The following UNC5B variants were observed in gnomAD, a reference collection of about 807,000 sequenced individuals.
The protein encoded by UNC5B is netrin receptor UNC5B.
Under a neutral mutation model 103.7 loss-of-function variants are expected in UNC5B, and 56 were observed. The ratio of observed to expected loss-of-function variants is 0.54; its 90% CI spans 0.44 to 0.67. The LOEUF is 0.67. UNC5B is among the 30% of genes least tolerant of loss of function. UNC5B has a pLI of 0.00. For missense variants in UNC5B, 1,194 were observed against 1,284.5 expected, an observed-to-expected ratio of 0.93 and a Z score of 1.08; for synonymous variants, 577 against 542.0, an observed-to-expected ratio of 1.06 and a Z score of -0.90.
intron 1 of UNC5B, among the ~76,000 whole-genome samples, chr10:71,234,271 C>A (rs1364569814): frequency 6.6e-6 from 1 of 152,236 alleles, no homozygotes; most frequent in Non-Finnish European, 1.5e-5. Flanking sequence ...TGACACCGCC[C>A]CCTCCAGGGG....
rs149213858 is a variant in UNC5B, at chr10:71,261,755, G to C, written c.80-18066G>C. ...TGGAGCCCTGCATCTGCCTCTTACT[G>C]GCTGTGTGACTGGGGGCAAGTTATT... On this transcript the variant is annotated intron_variant, in intron 1 of 16. Transcript: ENST00000335350. Among the ~76,000 whole-genome samples the C allele has an allele frequency of 2.3e-3, 349 of 152,296 alleles. 1 individual carries two copies. The highest frequency in any genetic ancestry group is 3.4e-3 in the Middle Eastern group (1 of 294).
chr10:71,289,647 G>A (rs988083257), intron 8 of UNC5B, among the ~76,000 whole-genome samples: 9 of 152,252 alleles, frequency 5.9e-5, no homozygotes, highest in African/African-American at 1.9e-4. Flanking sequence ...AGCTCACTGG[G>A]GGTCGGGCTG....
At chr10:71,249,105 C>T (rs1325353575) in intron 1 of UNC5B, among the ~76,000 whole-genome samples, 2 of 152,186 alleles carry the variant, frequency 1.3e-5, no homozygotes, top group Non-Finnish European at 2.9e-5. Flanking sequence ...CTTTCAGTCC[C>T]TTTTTGCACA....
intron 1 of UNC5B, among the ~76,000 whole-genome samples, chr10:71,220,973 T>G (rs1444460440): frequency 6.6e-6 from 1 of 151,876 alleles, no homozygotes; most frequent in Non-Finnish European, 1.5e-5. Flanking sequence ...GGGGCAGAGG[T>G]GGAAGGATGA....
chr10:71,243,410 A>T (rs1337788810), intron 1 of UNC5B, among the ~76,000 whole-genome samples: 1 of 152,156 alleles, frequency 6.6e-6, no homozygotes, highest in East Asian at 1.9e-4. Context: ...TGCACTGCCC[A>T]GTCTGGTAGC....
rs1845571651 is a variant in UNC5B, at chr10:71,300,886, C to G, written c.*1609C>G. On this transcript the variant is annotated 3_prime_UTR_variant, in exon 17 of 17. Transcript: ENST00000335350. ...CCCACCCCGCTACGGTCTGAGAGAT[C>G]TGAAATAACCTTTCCCAGTGGGCAG... 1 of 152,382 alleles carries G rather than the reference C, an allele frequency of 6.6e-6. No homozygotes were observed. Among genetic ancestry groups the G allele is most frequent in the African/African-American group, 2.4e-5 (1 of 41,444 alleles). 9.4% of individuals were successfully genotyped at this position (152,382 alleles called of 1,614,324 possible). A position where few individuals can be genotyped will look rare whatever the true frequency, so the allele number is the denominator to read the frequency against.
At chr10:71,259,594 A>G (rs984249414) in intron 1 of UNC5B, among the ~76,000 whole-genome samples, 4 of 152,208 alleles carry the variant, frequency 2.6e-5, no homozygotes, top group African/African-American at 9.7e-5. Context: ...CAGCCTACAC[A>G]AGGTCAGCGT....
intron 11 of UNC5B, among the ~76,000 whole-genome samples, 185 bp from the exon 12 acceptor site, chr10:71,293,220 A>T (rs1239289475): frequency 1.3e-5 from 2 of 152,192 alleles, no homozygotes; most frequent in Non-Finnish European, 2.9e-5. Context: ...ATCTGGAAAC[A>T]ACCTCAAGGT....
chr10:71,258,131 G>A (rs1844333644), intron 1 of UNC5B, among the ~76,000 whole-genome samples: 2 of 152,218 alleles, frequency 1.3e-5, no homozygotes, highest in Non-Finnish European at 2.9e-5. Context: ...GAGAAACCAA[G>A]GCCAGGGAGA....
Position 71,218,028 on chromosome 10 carries a change from C to A in UNC5B, c.79+4964C>A, listed in dbSNP as rs536984148. Reference sequence around the variant, plus strand: ...GCGCTGCACGGCTCGGCTCACTTCTCCAAGAAGGCAGGCTTGTGGGTGTGA... The same window carrying A: ...GCGCTGCACGGCTCGGCTCACTTCTACAAGAAGGCAGGCTTGTGGGTGTGA... On this transcript the variant is annotated intron_variant, in intron 1 of 16. Coordinates refer to ENST00000335350, the MANE Select transcript of UNC5B (RefSeq NM_170744.5). 3 of 152,408 alleles carry A rather than the reference C, an allele frequency of 2.0e-5. No individual in the cohort carries two copies. The East Asian group carries it at 5.8e-4, about 30-fold the overall frequency. The allele number at this position is 152,408 out of a possible 1,614,324, so 9.4% of individuals were successfully genotyped here.
At chr10:71,244,891 C>G (rs1228919759) in intron 1 of UNC5B, among the ~76,000 whole-genome samples, 2 of 152,234 alleles carry the variant, frequency 1.3e-5, no homozygotes, top group Admixed American at 1.3e-4. Flanking sequence ...TCCCGCTGGC[C>G]CTCCCCAACC....
chr10:71,252,219 C>T (rs1844189677), intron 1 of UNC5B, among the ~76,000 whole-genome samples: 1 of 152,180 alleles, frequency 6.6e-6, no homozygotes, highest in Non-Finnish European at 1.5e-5. Flanking sequence ...CCTCTCTGGG[C>T]CTGTTTTGCC....
At chr10:71,270,211 G>A (rs1368251329) in intron 1 of UNC5B, among the ~76,000 whole-genome samples, 2 of 152,174 alleles carry the variant, frequency 1.3e-5, no homozygotes, top group East Asian at 3.9e-4. Flanking sequence ...TTAGCTGGGC[G>A]TGGTGGTATG....
intron 1 of UNC5B, among the ~76,000 whole-genome samples, chr10:71,261,370 G>A (rs1416137167): frequency 6.6e-6 from 1 of 152,188 alleles, no homozygotes; most frequent in East Asian, 1.9e-4. Flanking sequence ...GATTGGCCAG[G>A]TGGCCGTGCA....
At position 71,298,061 on chromosome 10, in the gene UNC5B, G is replaced by C; in HGVS notation, c.2643G>C (p.Arg881=). Reference sequence around the variant, plus strand: ...CCAACTCACGGGGCAATGACTGGCGGATGTTAGCACAGAAGCTCTCTATGG... The same window carrying C: ...CCAACTCACGGGGCAATGACTGGCGCATGTTAGCACAGAAGCTCTCTATGG... ...DAPNSRGNDW[R]MLAQKLSMDR... The change falls in exon 16 of 17, where the codon CGG becomes CGC. Residue 881 remains arginine, a synonymous_variant. Coordinates refer to ENST00000335350, the MANE Select transcript of UNC5B (RefSeq NM_170744.5). The C allele has an allele frequency of 6.2e-7, 1 of 1,612,736 alleles. No individual in the cohort carries two copies. The highest frequency in any genetic ancestry group is 8.5e-7 in the Non-Finnish European group (1 of 1,179,598).
intron 1 of UNC5B, among the ~76,000 whole-genome samples, chr10:71,241,410 A>G (rs1843898183): frequency 6.6e-6 from 1 of 152,146 alleles, no homozygotes; most frequent in Admixed American, 6.5e-5. Context: ...AATGCCCCAT[A>G]TCCCCACTGC....
intron 1 of UNC5B, among the ~76,000 whole-genome samples, chr10:71,269,343 T>TCCCCCCC (rs3059586): frequency 1.5e-5 from 2 of 130,398 alleles, no homozygotes; most frequent in Admixed American, 8.5e-5. Context: ...AAAAATGAAG[T>TCCCCCCC]CCCCCCCCCA....
intron 13 of UNC5B, among the ~76,000 whole-genome samples, chr10:71,295,364 G>A (rs1338354684): frequency 7.1e-6 from 1 of 140,908 alleles, no homozygotes; most frequent in Non-Finnish European, 1.5e-5. Flanking sequence ...CTGTCCATCT[G>A]TTCATCCATC....
Position 71,291,745 on chromosome 10 carries a change from C to G in UNC5B, c.1608C>G (p.Gly536=). 1 of 1,611,012 alleles carries G rather than the reference C, an allele frequency of 6.2e-7. No individual in the cohort carries two copies. The highest frequency in any genetic ancestry group is 8.5e-7 in the Non-Finnish European group (1 of 1,179,924). ...GCCTCGGTTCCCAGCAGCTCTTGGG[C>G]CTGCCCCGAGACCCAGGGAGCAGCG... The part of the protein sequence containing the change: ...SASLGSQQLL[G]LPRDPGSSVS... The change falls in exon 10 of 17, where the codon GGC becomes GGG. Residue 536 remains glycine (G), a synonymous_variant. Transcript: ENST00000335350.
Sources: gnomAD v4.1 joint callset for allele counts (sites outside exome capture counted in the v4.1 genomes callset) on GRCh38, gnomAD v4.1.1 for gene constraint, MANE v1.5 for transcripts, NCBI Gene and HGNC (gene_info 2026-07-23, HGNC 2026-07-21) for gene names.